The following ZC3H7B variants were observed in gnomAD, a reference collection of about 807,000 sequenced individuals.
ZC3H7B encodes zinc finger CCCH-type containing 7B.
Under a neutral mutation model 116.0 loss-of-function variants are expected in ZC3H7B, and 35 were observed. That is an observed-to-expected ratio of 0.30 (90% CI 0.23 to 0.40). The LOEUF (loss-of-function observed/expected upper bound fraction) is 0.40. ZC3H7B is among the 10% of genes least tolerant of loss of function. The pLI, the probability that ZC3H7B is intolerant of heterozygous loss-of-function variation, is 1.00. For missense variants in ZC3H7B, 1,011 were observed against 1,321.5 expected (o/e 0.77, Z 3.64); for synonymous variants, 502 against 545.6 (o/e 0.92, Z 1.11).
chr22:41,308,096 A>G (rs979530532), intron 1 of ZC3H7B, among the ~76,000 whole-genome samples: 3 of 152,144 alleles, frequency 2.0e-5, no homozygotes, highest in Non-Finnish European at 4.4e-5. Flanking sequence ...CCAGTCCACA[A>G]TGTGACTTGG....
rs1451885073 is a variant in ZC3H7B at position 41,357,541 on chromosome 22, GCAGCCCC to G, written c.*121_*127del. On this transcript the variant is annotated 3_prime_UTR_variant, in exon 23 of 23. Coordinates refer to ENST00000352645, the MANE Select transcript of ZC3H7B (RefSeq NM_017590.6). This position sits in a 1 kb window ranked among gnomAD's most constrained non-coding sequence, Gnocchi z 5.4. ...GGGGGTGGGGGGCCGCCCTCATCAG[GCAGCCCC>G]CAGCCCCCTGAGGCCCTGTCCATCT... 9.3e-6 allele frequency: 9 copies of G among 966,592 alleles called. No homozygotes were observed. The Admixed American group carries it at 2.5e-4, about 26-fold the overall frequency. The allele number at this position is 966,592 out of a possible 1,614,324, so 59.9% of individuals were successfully genotyped here. A position where few individuals can be genotyped will look rare whatever the true frequency, so the allele number is the denominator to read the frequency against.
rs952217220 is a variant in ZC3H7B, at chr22:41,325,853, G to A, written c.220G>A (p.Val74Met). 6.2e-7 allele frequency: 1 copy of A among 1,612,656 alleles called. No individual in the cohort carries two copies. Among genetic ancestry groups the A allele is most frequent in the African/African-American group, 1.3e-5 (1 of 75,020 alleles). ...GGCCGACTACGCTGCCTCTGACCAG[G>A]TGGCCCTGCCCCGGGAGCTGCTGTG... Reference protein sequence around the residue: ...NVADYAASDQVALPRELLCKL... With the variant: ...NVADYAASDQMALPRELLCKL... The change falls in exon 4 of 23, where the codon GTG becomes ATG. Residue 74 changes from valine (V) to methionine (M), a missense_variant. Coordinates refer to ENST00000352645, the MANE Select transcript of ZC3H7B (RefSeq NM_017590.6).
At chr22:41,344,423 C>A (rs2036560424) in intron 13 of ZC3H7B, among the ~76,000 whole-genome samples, 1 of 152,172 alleles carries the variant, frequency 6.6e-6, no homozygotes, top group African/African-American at 2.4e-5. Context: ...CTACACGTGC[C>A]CGTATCCACC....
At chr22:41,332,382 C>A in intron 7 of ZC3H7B, 155 bp downstream of exon 7, 1 of 875,164 alleles carries the variant, frequency 1.1e-6, no homozygotes, top group Non-Finnish European at 1.8e-6. Context: ...GATGTGGGGA[C>A]AGGCCATGGC....
chr22:41,344,180 C>T (rs1569241038), intron 13 of ZC3H7B, among the ~76,000 whole-genome samples: 1 of 152,214 alleles, frequency 6.6e-6, no homozygotes, highest in Non-Finnish European at 1.5e-5. Flanking sequence ...TTTCATTTCA[C>T]CAGCATGCAG....
intron 2 of ZC3H7B, among the ~76,000 whole-genome samples, chr22:41,323,062 C>T (rs987109523): frequency 6.6e-6 from 1 of 152,226 alleles, no homozygotes; most frequent in Non-Finnish European, 1.5e-5. Context: ...CAGCGCACAA[C>T]GCAGTCACTT....
chr22:41,309,146 G>A (rs1176673387), intron 1 of ZC3H7B, among the ~76,000 whole-genome samples: 9 of 151,458 alleles, frequency 5.9e-5, no homozygotes, highest in Admixed American at 5.3e-4. Context: ...CGTGTAGCTG[G>A]GACTACAGGC....
rs757071467 is a variant in ZC3H7B at position 41,348,079 on chromosome 22, A to G, written c.1678A>G (p.Ser560Gly). 8 of 1,613,780 alleles carry G rather than the reference A, an allele frequency of 5.0e-6. 1 individual carries two copies. In the South Asian group the frequency reaches 5.5e-5, roughly 11 times the overall value. ...CCTCCCTGGGCAGATCTGCTTTGACAGTAAACCCCGGATCATCAGCAAAGG... is the reference window on the plus strand; with the variant it reads ...CCTCCCTGGGCAGATCTGCTTTGACGGTAAACCCCGGATCATCAGCAAAGG... Reference protein sequence around the residue: ...FTFLCEICFDSKPRIISKGTK... With the variant: ...FTFLCEICFDGKPRIISKGTK... Residue 560 changes from serine (S) to glycine (G), a missense_variant, in exon 15 of 23, where the codon AGT (serine) becomes GGT (glycine). Ser to Gly is a moderately conservative substitution (Grantham distance 56). Around this residue, in one of 5 missense-constraint regions of ZC3H7B, gnomAD observed 406 missense variants for 590.2 expected, o/e 0.69. Transcript: ENST00000352645.
At chr22:41,311,959 T>TAATG (rs1349872706) in intron 1 of ZC3H7B, among the ~76,000 whole-genome samples, 1 of 152,136 alleles carries the variant, frequency 6.6e-6, no homozygotes, top group Non-Finnish European at 1.5e-5. Context: ...TAATTCATTT[T>TAATG]AATTAAATTA....
intron 2 of ZC3H7B, among the ~76,000 whole-genome samples, chr22:41,322,785 A>G (rs980489850): frequency 3.3e-5 from 5 of 152,156 alleles, no homozygotes; most frequent in South Asian, 2.1e-4. Flanking sequence ...CACACAGACC[A>G]GTAAAACACT....
intron 22 of ZC3H7B, 44 bp downstream of exon 22, chr22:41,356,852 G>T: frequency 6.2e-7 from 1 of 1,609,574 alleles, no homozygotes; most frequent in Non-Finnish European, 8.5e-7. Flanking sequence ...GGGGTGGCCC[G>T]AGGAGATGGA....
chr22:41,352,134 C>A (rs2036660917), intron 17 of ZC3H7B, among the ~76,000 whole-genome samples: 2 of 152,236 alleles, frequency 1.3e-5, no homozygotes, highest in African/African-American at 4.8e-5. Flanking sequence ...TGTCGTGTCT[C>A]TTTTTCATCT....
chr22:41,356,134 C>A, intron 20 of ZC3H7B, 72 bp downstream of exon 20: 1 of 1,464,160 alleles, frequency 6.8e-7, no homozygotes. Context: ...AATTCACCAG[C>A]GGGCCCAAGA....
chr22:41,333,550 C>T (rs1369479003), intron 7 of ZC3H7B: 1 of 152,046 alleles, frequency 6.6e-6, no homozygotes, highest in African/African-American at 2.4e-5. Flanking sequence ...CACTTGAACC[C>T]AGGAGGCACA....
Position 41,329,991 on chromosome 22 carries a change from TGACCCACCGCCC to T in ZC3H7B, c.445-31_445-20del. 1 of 1,611,202 alleles carries T rather than the reference TGACCCACCGCCC, an allele frequency of 6.2e-7. No individual in the cohort carries two copies. Among genetic ancestry groups the T allele is most frequent in the Non-Finnish European group, 8.5e-7 (1 of 1,178,244 alleles). On this transcript the variant is annotated intron_variant, in intron 5 of 22. Transcript: ENST00000352645. ...CACAGCTTTGTGAGCCCGGGCAGAC[TGACCCACCGCCC>T]TGTGTCTTGTCCTCTGCAGGATGAA...
chr22:41,325,156 T>C (rs1425626672), intron 2 of ZC3H7B, among the ~76,000 whole-genome samples: 1 of 152,150 alleles, frequency 6.6e-6, no homozygotes, highest in African/African-American at 2.4e-5. Context: ...GGCTGTTTTT[T>C]TCAGCAGCAG....
At position 41,338,292 on chromosome 22, in the gene ZC3H7B, A is replaced by T. The variant is rs201713446; in HGVS notation, c.583-21A>T. ...TCGGGGCCTTCCCAGCCACAGCGCCACTGTGGCCCTCTCCCCACAGGGAAC... is the reference window on the plus strand; with the variant it reads ...TCGGGGCCTTCCCAGCCACAGCGCCTCTGTGGCCCTCTCCCCACAGGGAAC... On this transcript the variant is annotated intron_variant, in intron 7 of 22. Coordinates refer to ENST00000352645, the MANE Select transcript of ZC3H7B (RefSeq NM_017590.6). The surrounding 1 kb of genome is among the most constrained non-coding windows in gnomAD (Gnocchi z 4.5). 3.6e-4 allele frequency: 585 copies of T among 1,608,492 alleles called. 3 individuals are homozygous for T. The African/African-American group carries it at 5.6e-3, about 15-fold the overall frequency.
intron 1 of ZC3H7B, among the ~76,000 whole-genome samples, chr22:41,312,383 C>T (rs1472897184): frequency 6.6e-6 from 1 of 151,138 alleles, no homozygotes; most frequent in African/African-American, 2.4e-5. Flanking sequence ...CTGCAATGAG[C>T]TGAGATTATG....
Position 41,357,131 on chromosome 22 carries a change from T to A in ZC3H7B, c.2682-46T>A, listed in dbSNP as rs73416848. The A allele has an allele frequency of 8.3e-3, 13,162 of 1,594,594 alleles. 893 individuals carry two copies. In the African/African-American group the frequency reaches 0.15, roughly 19 times the overall value. On this transcript the variant is annotated intron_variant, in intron 22 of 22. Coordinates refer to ENST00000352645, the MANE Select transcript of ZC3H7B (RefSeq NM_017590.6). The surrounding 1 kb of genome is among the most constrained non-coding windows in gnomAD (Gnocchi z 5.4). ...CCGGCCCCAGATGGACAGCCTGGGG[T>A]GGGAAGGGCACAGAGCTCGGGCAGT...
Sources: allele counts gnomAD v4.1 joint callset (sites outside exome capture counted in the v4.1 genomes callset), GRCh38; gene constraint gnomAD v4.1.1; regional missense constraint gnomAD v4.1.1; non-coding constraint Gnocchi (gnomAD v3.1); transcripts MANE v1.5; gene names NCBI Gene and HGNC (gene_info 2026-07-23, HGNC 2026-07-21).